RBFOX1: variants seen among roughly 807,000 people sequenced by gnomAD.
RBFOX1 encodes RNA binding fox-1 homolog 1.
A neutral mutation model predicts 57.7 loss-of-function variants in RBFOX1; 8 were observed. That is an observed-to-expected ratio of 0.14 (90% CI 0.08 to 0.25). The LOEUF (loss-of-function observed/expected upper bound fraction) is 0.25, where lower values mean the gene tolerates loss of function less well. RBFOX1 is among the 10% of genes least tolerant of loss of function. The pLI, the probability that RBFOX1 is intolerant of heterozygous loss-of-function variation, is 1.00. For missense variants in RBFOX1, 611 were observed against 548.5 expected (o/e 1.11, Z -1.14); for synonymous variants, 326 against 222.4 (o/e 1.47, Z -4.15).
chr16:6,753,238 A>G (rs2075254124), intron 3 of RBFOX1, among the ~76,000 whole-genome samples: 1 of 152,196 alleles, frequency 6.6e-6, no homozygotes. Context: ...GGGATAAAGC[A>G]AGTATAGTAA....
In RBFOX1 at chr16:6,464,384, T is replaced by C. The variant is rs145103662; in HGVS notation, c.-64+147327T>C. ...ATGAATTAACTCCATAGCAAAAATA[T>C]TTTCAATTGGTTTGAAAATAGCTAC... is the stretch of plus-strand genomic sequence containing the variant. On this transcript the variant is annotated intron_variant, in intron 2 of 15. Transcript: ENST00000550418. Among the ~76,000 whole-genome samples the C allele has an allele frequency of 5.0e-3, 760 of 152,140 alleles. 6 individuals are homozygous for C. Among genetic ancestry groups the C allele is most frequent in the African/African-American group, 0.018 (730 of 41,488 alleles).
chr16:6,926,746 T>G (rs925004545), intron 3 of RBFOX1, among the ~76,000 whole-genome samples: 1 of 152,192 alleles, frequency 6.6e-6, no homozygotes, highest in Non-Finnish European at 1.5e-5. Context: ...AGAGCACACT[T>G]CTTGGAGACT....
At chr16:6,393,825 A>G (rs142453357) in intron 2 of RBFOX1, among the ~76,000 whole-genome samples, 160 of 152,246 alleles carry the variant, frequency 1.1e-3, no homozygotes, top group African/African-American at 3.8e-3. Flanking sequence ...CATCTGGATG[A>G]CTGTTGAAAG....
At chr16:5,628,007 C>A (rs2048394581) in intron 3 of RBFOX1, among the ~76,000 whole-genome samples, 1 of 152,156 alleles carries the variant, frequency 6.6e-6, no homozygotes, top group South Asian at 2.1e-4. Context: ...TATTGTCAGG[C>A]CTCTTCTGCC....
intron 1 of RBFOX1, among the ~76,000 whole-genome samples, chr16:5,323,286 A>G (rs2064464370): frequency 6.6e-6 from 1 of 152,186 alleles, no homozygotes; most frequent in Non-Finnish European, 1.5e-5. Flanking sequence ...TGGGCGATGC[A>G]CATTCTTTCT....
At chr16:7,080,872 C>G (rs2059087076) in intron 4 of RBFOX1, among the ~76,000 whole-genome samples, 1 of 152,208 alleles carries the variant, frequency 6.6e-6, no homozygotes, top group Non-Finnish European at 1.5e-5. Flanking sequence ...CCAAGGGAGC[C>G]TTTGAAATAA....
intron 2 of RBFOX1, among the ~76,000 whole-genome samples, chr16:6,652,323 C>T (rs879753161): frequency 3.3e-5 from 5 of 152,006 alleles, no homozygotes; most frequent in East Asian, 1.9e-4. Flanking sequence ...TGGTGCATGT[C>T]GGTAGTCCCA....
chr16:6,849,477 C>T (rs6500856), intron 3 of RBFOX1, among the ~76,000 whole-genome samples: 48,156 of 151,936 alleles, frequency 0.32, 8,018 homozygotes, highest in Admixed American at 0.42. Flanking sequence ...AGACCAGCCT[C>T]GCCAATATGG....
chr16:5,758,491 G>A (rs550926780), intron 3 of RBFOX1, among the ~76,000 whole-genome samples: 1 of 152,290 alleles, frequency 6.6e-6, no homozygotes, highest in South Asian at 2.1e-4. Flanking sequence ...CTGTCTGTTG[G>A]ATGAGAGCAT....
intron 3 of RBFOX1, among the ~76,000 whole-genome samples, chr16:6,830,219 A>C (rs887461193): frequency 6.6e-6 from 1 of 152,194 alleles, no homozygotes; most frequent in African/African-American, 2.4e-5. Context: ...GCCTGGCTGA[A>C]TGTATTTTCT....
Position 6,643,100 on chromosome 16 carries a change from C to G in RBFOX1, c.-63-11503C>G, listed in dbSNP as rs115475756. Among the ~76,000 whole-genome samples, 736 of 152,296 alleles carry G rather than the reference C, an allele frequency of 4.8e-3. 7 individuals carry two copies. The highest frequency in any genetic ancestry group is 0.016 in the African/African-American group (677 of 41,550). On this transcript the variant is annotated intron_variant, in intron 2 of 15. Transcript: ENST00000550418. ...TTAATGAAATGTCTCCTCAAATGAT[C>G]ACATTCCTAGTAAGTAATTAGGGCT...
intron 1 of RBFOX1, among the ~76,000 whole-genome samples, chr16:5,331,841 T>C (rs2064765712): frequency 6.6e-6 from 1 of 152,212 alleles, no homozygotes; most frequent in Non-Finnish European, 1.5e-5. Context: ...CTGGTGACCA[T>C]GCCCACCCTG....
intron 2 of RBFOX1, among the ~76,000 whole-genome samples, chr16:5,500,094 CA>C (rs374691259): frequency 3.3e-5 from 5 of 150,138 alleles, no homozygotes; most frequent in African/African-American, 9.9e-5. Context: ...GCCTTCCCTC[CA>C]TTCCCTCCCT....
chr16:6,673,988 C>T (rs1227057002), intron 3 of RBFOX1, among the ~76,000 whole-genome samples: 4 of 152,122 alleles, frequency 2.6e-5, no homozygotes, highest in Middle Eastern at 3.2e-3. Flanking sequence ...AAGGGAGAAA[C>T]AGTGAGGGAG....
chr16:7,277,752 A>C (rs933670728), intron 4 of RBFOX1, among the ~76,000 whole-genome samples: 41 of 152,296 alleles, frequency 2.7e-4, no homozygotes, highest in African/African-American at 9.1e-4. Context: ...TATTCAGCAT[A>C]GCATGAGGAA....
intron 7 of RBFOX1, among the ~76,000 whole-genome samples, chr16:7,590,863 G>GAAAAAAA (rs36061659): frequency 2.9e-5 from 3 of 102,924 alleles, no homozygotes; most frequent in African/African-American, 7.2e-5. Flanking sequence ...CTGTCTCTAA[G>GAAAAAAA]AAAAAAAAAA....
At position 7,518,232 on chromosome 16, in the gene RBFOX1, C is replaced by T. The variant is rs748193566; in HGVS notation, c.113C>T (p.Pro38Leu). 6.2e-7 allele frequency: 1 copy of T among 1,614,148 alleles called. No individual in the cohort carries two copies. The highest frequency in any genetic ancestry group is 1.1e-5 in the South Asian group (1 of 91,082). Residue 38 changes from proline (P) to leucine (L), a missense_variant, in exon 5 of 16, where the codon CCC becomes CTC. Pro to Leu is a moderately conservative substitution (Grantham distance 98). Around this residue, in one of 3 missense-constraint regions of RBFOX1, gnomAD observed 245 missense variants for 159.1 expected, o/e 1.54. Coordinates refer to ENST00000550418, the MANE Select transcript of RBFOX1 (RefSeq NM_018723.4). ...AQFAPPQNGI[P>L]AEYTAPHPHP... ...TTTGCTCCCCCGCAGAACGGTATCC[C>T]CGCGGAATACACGGCCCCTCATCCC...
chr16:7,397,318 C>G (rs1224558228), intron 4 of RBFOX1, among the ~76,000 whole-genome samples: 2 of 152,146 alleles, frequency 1.3e-5, no homozygotes, highest in African/African-American at 2.4e-5. Context: ...ATTTAACATG[C>G]TATTCACTTT....
rs551646688 is a variant in RBFOX1 at position 5,985,100 on chromosome 16, C to T, written c.351+117765C>T. The stretch of plus-strand genomic sequence containing the variant: ...TCCCGGGTTCACACCATTCTCCTGT[C>T]TCAGCCTCCTGAGTAGCCAGGACTA... On this transcript the variant is annotated intron_variant, in intron 4 of 19. Transcript: ENST00000641259. 3.3e-5 allele frequency among the ~76,000 whole-genome samples: 5 copies of T among 150,280 alleles called. No homozygotes were observed. In the South Asian group the frequency reaches 1.1e-3, roughly 32 times the overall value.
Sources: allele counts gnomAD v4.1 joint callset (sites outside exome capture counted in the v4.1 genomes callset), GRCh38; gene constraint gnomAD v4.1.1; regional missense constraint gnomAD v4.1.1; transcripts MANE v1.5; gene names NCBI Gene and HGNC (gene_info 2026-07-23, HGNC 2026-07-21).